The following CRTAC1 variants were observed in gnomAD, a reference collection of about 807,000 sequenced individuals.
The protein encoded by CRTAC1 is cartilage acidic protein 1.
A neutral mutation model predicts 67.8 loss-of-function variants in CRTAC1; 37 were observed. That is an observed-to-expected ratio of 0.55 (90% CI 0.42 to 0.72). The LOEUF (loss-of-function observed/expected upper bound fraction) is 0.72, where lower values mean the gene tolerates loss of function less well. Ranked by LOEUF, CRTAC1 falls within the 30% of genes least tolerant of loss-of-function variation. CRTAC1 has a pLI of 0.00. For missense variants in CRTAC1, 780 were observed against 931.6 expected, an observed-to-expected ratio of 0.84 and a Z score of 2.12; for synonymous variants, 348 against 371.0, an observed-to-expected ratio of 0.94 and a Z score of 0.71.
At chr10:97,900,530 TGATTG>T (rs2050520369) in intron 8 of CRTAC1, among the ~76,000 whole-genome samples, 4 of 139,274 alleles carry the variant, frequency 2.9e-5, no homozygotes, top group African/African-American at 1.1e-4. Flanking sequence ...TTCCTGGTAG[TGATTG>T]GACCCCATAG....
intron 4 of CRTAC1, among the ~76,000 whole-genome samples, chr10:97,922,774 G>A (rs2050858769): frequency 6.6e-6 from 1 of 152,196 alleles, no homozygotes; most frequent in South Asian, 2.1e-4. Context: ...GTATATTGAG[G>A]CAACCCTCCC....
intron 7 of CRTAC1, among the ~76,000 whole-genome samples, chr10:97,903,926 C>T (rs905790443): frequency 2.0e-5 from 3 of 152,052 alleles, no homozygotes; most frequent in South Asian, 2.1e-4. Context: ...TTGGGAACTC[C>T]GTGGCTTCAA....
At chr10:97,960,454 T>C (rs963829315) in intron 2 of CRTAC1, among the ~76,000 whole-genome samples, 2 of 152,222 alleles carry the variant, frequency 1.3e-5, no homozygotes, top group Non-Finnish European at 1.5e-5. Flanking sequence ...ATATAGCACA[T>C]GTTTCCATGA....
chr10:97,930,089 G>A (rs11189445), intron 3 of CRTAC1, among the ~76,000 whole-genome samples: 119,775 of 152,198 alleles, frequency 0.79, 49,045 homozygotes, highest in Non-Finnish European at 0.89. Flanking sequence ...AGTGCTCTCT[G>A]TAGCAGTGCC....
At chr10:97,965,245 G>T (rs1337005985) in intron 2 of CRTAC1, among the ~76,000 whole-genome samples, 1 of 152,176 alleles carries the variant, frequency 6.6e-6, no homozygotes, top group Non-Finnish European at 1.5e-5. Context: ...GCAAACATTT[G>T]TATAGAACTC....
chr10:97,891,383 C>T (rs948455334), intron 11 of CRTAC1, among the ~76,000 whole-genome samples: 1 of 152,250 alleles, frequency 6.6e-6, no homozygotes, highest in South Asian at 2.1e-4. Context: ...CTAGAATGGT[C>T]TCCTTAGGCC....
At chr10:98,011,091 G>T in intron 2 of CRTAC1, 47 bp downstream of exon 2, 1 of 1,559,744 alleles carries the variant, frequency 6.4e-7, no homozygotes, top group Non-Finnish European at 8.8e-7. Flanking sequence ...CCTTATTACA[G>T]CAAAATCTGA....
In CRTAC1 at chr10:97,887,262, A is replaced by G. The variant is rs1732051777; in HGVS notation, c.1487-2911T>C. Among the ~76,000 whole-genome samples, 4 of 125,398 alleles carry G rather than the reference A, an allele frequency of 3.2e-5. No homozygotes were observed. In the South Asian group the frequency reaches 7.4e-4, roughly 23 times the overall value. 82.3% of individuals were successfully genotyped at this position (125,398 alleles called of 152,430 possible). A position where few individuals can be genotyped will look rare whatever the true frequency, so the allele number is the denominator to read the frequency against. On this transcript the variant is annotated intron_variant, in intron 11 of 14. Transcript: ENST00000370597. Reference sequence around the variant, plus strand: ...TTTTTTTTTCTGTTTTTATTTTGAGATGGAGTTTTGCTCTTGTTGCCCAGG... The same window carrying G: ...TTTTTTTTTCTGTTTTTATTTTGAGGTGGAGTTTTGCTCTTGTTGCCCAGG...
At chr10:97,976,224 G>A (rs1410607200) in intron 2 of CRTAC1, among the ~76,000 whole-genome samples, 1 of 152,188 alleles carries the variant, frequency 6.6e-6, no homozygotes, top group African/African-American at 2.4e-5. Flanking sequence ...TTCTAACAAA[G>A]CTTAACAGAG....
intron 2 of CRTAC1, among the ~76,000 whole-genome samples, chr10:97,997,217 C>T (rs1282553657): frequency 7.4e-6 from 1 of 134,432 alleles, no homozygotes; most frequent in Non-Finnish European, 1.6e-5. Flanking sequence ...CACATGTACC[C>T]TAAAACTTAA....
chr10:97,999,375 C>T (rs1842645285), intron 2 of CRTAC1, among the ~76,000 whole-genome samples: 1 of 152,236 alleles, frequency 6.6e-6, no homozygotes, highest in Admixed American at 6.5e-5. Context: ...GCTTTAATCT[C>T]AGAGCAAAGT....
chr10:97,943,185 C>G (rs1002575), intron 2 of CRTAC1, among the ~76,000 whole-genome samples: 2 of 151,670 alleles, frequency 1.3e-5, no homozygotes, highest in Admixed American at 1.3e-4. Flanking sequence ...AGTGCAAGAC[C>G]GAGACCAGAG....
At chr10:97,888,797 G>GC (rs2050323240) in intron 11 of CRTAC1, among the ~76,000 whole-genome samples, 1 of 152,082 alleles carries the variant, frequency 6.6e-6, no homozygotes, top group Non-Finnish European at 1.5e-5. Flanking sequence ...GCAGAAGAGC[G>GC]CCCCCCATTA....
At chr10:97,894,507 C>T (rs1249524010) in intron 11 of CRTAC1, among the ~76,000 whole-genome samples, 1 of 151,212 alleles carries the variant, frequency 6.6e-6, no homozygotes, top group African/African-American at 2.4e-5. Flanking sequence ...GCGAGCCTCC[C>T]ACCTCAGTCT....
intron 2 of CRTAC1, among the ~76,000 whole-genome samples, chr10:97,974,963 G>C (rs2051774401): frequency 6.6e-6 from 1 of 152,114 alleles, no homozygotes; most frequent in Admixed American, 6.5e-5. Context: ...GGAGACGCTG[G>C]GGAGAAGGGA....
intron 4 of CRTAC1, among the ~76,000 whole-genome samples, chr10:97,921,548 T>G (rs752651415): frequency 5.0e-4 from 76 of 152,330 alleles, no homozygotes; most frequent in Non-Finnish European, 7.8e-4. Flanking sequence ...TTATGAGGAT[T>G]CAGTAGGACG....
At chr10:97,909,427 C>G (rs2050658851) in intron 5 of CRTAC1, among the ~76,000 whole-genome samples, 1 of 152,198 alleles carries the variant, frequency 6.6e-6, no homozygotes, top group African/African-American at 2.4e-5. Flanking sequence ...TACCCTTGAG[C>G]CTCAGTTTCC....
At chr10:98,005,565 C>A (rs1201631543) in intron 2 of CRTAC1, among the ~76,000 whole-genome samples, 1 of 151,454 alleles carries the variant, frequency 6.6e-6, no homozygotes, top group Non-Finnish European at 1.5e-5. Flanking sequence ...TTGTTAAAAG[C>A]ATATGTGAAT....
intron 2 of CRTAC1, among the ~76,000 whole-genome samples, chr10:97,937,375 G>A (rs1025675489): frequency 3.3e-5 from 5 of 151,900 alleles, no homozygotes; most frequent in Non-Finnish European, 7.4e-5. Flanking sequence ...AACCACCCCC[G>A]CCACTGCACC....
Sources: allele counts gnomAD v4.1 joint callset (sites outside exome capture counted in the v4.1 genomes callset), GRCh38; gene constraint gnomAD v4.1.1; transcripts MANE v1.5; gene names NCBI Gene and HGNC (gene_info 2026-07-23, HGNC 2026-07-21).